The following LRRC4C variants were observed in gnomAD, a reference collection of about 807,000 sequenced individuals.
LRRC4C encodes the protein leucine rich repeat containing 4C.
Under a neutral mutation model 33.6 loss-of-function variants are expected in LRRC4C, and 5 were observed. The observed-to-expected ratio is 0.15, with a 90% CI of 0.08 to 0.31. LRRC4C has a LOEUF of 0.31. Among genes scored for constraint, LRRC4C ranks in the 10% least tolerant of loss-of-function variants. LRRC4C has a pLI of 1.00. For missense variants in LRRC4C, 560 were observed against 796.7 expected, an observed-to-expected ratio of 0.70 and a Z score of 3.58; for synonymous variants, 329 against 302.0, an observed-to-expected ratio of 1.09 and a Z score of -0.93.
chr11:41,176,670 T>C (rs909014846), intron 1 of LRRC4C, among the ~76,000 whole-genome samples: 4 of 152,216 alleles, frequency 2.6e-5, no homozygotes, highest in Non-Finnish European at 5.9e-5. Context: ...AGAATGGAGC[T>C]AGGAGAGGCT....
chr11:41,396,340 G>C (rs560025766), intron 1 of LRRC4C, among the ~76,000 whole-genome samples: 22 of 152,112 alleles, frequency 1.4e-4, no homozygotes, highest in Non-Finnish European at 2.5e-4. Context: ...AAAAAATTAA[G>C]ATAGGTATTG....
intron 3 of LRRC4C, among the ~76,000 whole-genome samples, chr11:40,331,920 C>T (rs951762385): frequency 8.5e-5 from 13 of 152,106 alleles, no homozygotes; most frequent in Admixed American, 6.5e-4. Flanking sequence ...ATAAATCCTG[C>T]GTACATGTTC....
At chr11:41,282,737 T>C (rs563809024) in intron 1 of LRRC4C, among the ~76,000 whole-genome samples, 2 of 152,180 alleles carry the variant, frequency 1.3e-5, no homozygotes, top group Non-Finnish European at 2.9e-5. Flanking sequence ...AGCAAATATA[T>C]GTGGCCTTTA....
intron 3 of LRRC4C, among the ~76,000 whole-genome samples, chr11:40,420,488 C>T (rs1950484472): frequency 6.6e-6 from 1 of 152,176 alleles, no homozygotes; most frequent in Non-Finnish European, 1.5e-5. Context: ...TCCCGTCTTG[C>T]TCTGAACTCT....
At chr11:40,651,667 G>A (rs1298153299) in intron 2 of LRRC4C, among the ~76,000 whole-genome samples, 1 of 152,136 alleles carries the variant, frequency 6.6e-6, no homozygotes, top group Non-Finnish European at 1.5e-5. Context: ...CTTATCAGAA[G>A]GTGATTCCAT....
chr11:41,234,359 CT>C (rs1565503309), intron 1 of LRRC4C, among the ~76,000 whole-genome samples: 1 of 151,812 alleles, frequency 6.6e-6, no homozygotes, highest in Non-Finnish European at 1.5e-5. Context: ...CTTATCATTT[CT>C]TTTTTGGTGA....
intron 1 of LRRC4C, among the ~76,000 whole-genome samples, chr11:40,987,197 G>A (rs887930190): frequency 1.3e-5 from 2 of 152,146 alleles, no homozygotes; most frequent in Admixed American, 6.5e-5. Flanking sequence ...AGCAGCTGTT[G>A]ACGAAAACCA....
intron 4 of LRRC4C, among the ~76,000 whole-genome samples, chr11:40,283,270 A>G (rs1943602883): frequency 3.3e-5 from 5 of 152,216 alleles, no homozygotes; most frequent in African/African-American, 9.6e-5. Flanking sequence ...CAAAAAGCCA[A>G]CTAGATTTCA....
At chr11:40,498,759 T>G (rs12577385) in intron 3 of LRRC4C, among the ~76,000 whole-genome samples, 14,194 of 152,284 alleles carry the variant, frequency 0.093, 805 homozygotes, top group Middle Eastern at 0.15. Context: ...CCCTCAGGAA[T>G]GTTTATAAGA....
intron 1 of LRRC4C, among the ~76,000 whole-genome samples, chr11:41,314,618 G>T (rs1950733469): frequency 6.6e-6 from 1 of 152,046 alleles, no homozygotes; most frequent in African/African-American, 2.4e-5. Context: ...TTGGACACAG[G>T]GCAGGGAACA....
At chr11:40,684,400 G>A (rs144556355) in intron 2 of LRRC4C, among the ~76,000 whole-genome samples, 1 of 152,010 alleles carries the variant, frequency 6.6e-6, no homozygotes, top group Non-Finnish European at 1.5e-5. Flanking sequence ...TTAGTGAACT[G>A]GAAGATAGAG....
At position 41,279,428 on chromosome 11, in the gene LRRC4C, A is replaced by ACACACC. The variant is rs58139193; in HGVS notation, c.-496+180002_-496+180003insGGTGTG. Among the ~76,000 whole-genome samples, 1,202 of 140,862 alleles carry ACACACC rather than the reference A, an allele frequency of 8.5e-3. 17 individuals carry two copies. Among genetic ancestry groups the ACACACC allele is most frequent in the Admixed American group, 0.029 (401 of 13,944 alleles). The allele number at this position is 140,862 out of a possible 152,430, so 92.4% of individuals were successfully genotyped here. ...CACACACACACACACACACACACAC[A>ACACACC]CCGTGGCAATCACTGCCTGCAATGG... On this transcript the variant is annotated intron_variant, in intron 1 of 6. Transcript: ENST00000528697.
intron 1 of LRRC4C, among the ~76,000 whole-genome samples, chr11:40,939,091 T>C (rs1452352939): frequency 2.0e-5 from 3 of 152,180 alleles, no homozygotes; most frequent in Non-Finnish European, 4.4e-5. Flanking sequence ...GATACATATG[T>C]CCATGTACAA....
chr11:40,507,438 A>T (rs888235881), intron 3 of LRRC4C, among the ~76,000 whole-genome samples: 1 of 152,122 alleles, frequency 6.6e-6, no homozygotes, highest in Non-Finnish European at 1.5e-5. Flanking sequence ...TTTTTTTAAC[A>T]ATTGGGATGA....
At chr11:40,122,972 CACACACACACACACAT>C (rs1475144160) in intron 6 of LRRC4C, among the ~76,000 whole-genome samples, 6 of 140,590 alleles carry the variant, frequency 4.3e-5, no homozygotes, top group Non-Finnish European at 7.6e-5. Flanking sequence ...CACACACACA[CACACACACACACACAT>C]ATATACTATT....
intron 1 of LRRC4C, among the ~76,000 whole-genome samples, chr11:41,055,938 A>T (rs1163936230): frequency 6.6e-6 from 1 of 152,174 alleles, no homozygotes; most frequent in East Asian, 1.9e-4. Context: ...ATTTTCCTAA[A>T]TATAAATTAT....
chr11:40,979,983 G>A (rs1437236117), intron 1 of LRRC4C, among the ~76,000 whole-genome samples: 7 of 152,096 alleles, frequency 4.6e-5, no homozygotes, highest in Non-Finnish European at 8.8e-5. Context: ...AAATTTCTGC[G>A]ACATTTAGGT....
rs1950172344 is a variant in LRRC4C, at chr11:40,780,539, T to C, written c.-406-132261A>G. ...GCTATTTAATATGAAAAGGAGAAGA[T>C]ACCAAGAAAGATAATAGAGCTACAT... is the stretch of plus-strand genomic sequence containing the variant. On this transcript the variant is annotated intron_variant, in intron 2 of 6. Transcript: ENST00000528697. Among the ~76,000 whole-genome samples the C allele has an allele frequency of 3.3e-5, 5 of 152,110 alleles. No homozygotes were observed. The South Asian group carries it at 1.0e-3, about 32-fold the overall frequency.
chr11:40,203,882 C>A (rs887560267), intron 5 of LRRC4C, among the ~76,000 whole-genome samples: 1 of 152,178 alleles, frequency 6.6e-6, no homozygotes, highest in African/African-American at 2.4e-5. Flanking sequence ...AGCTAAAGTG[C>A]AGACACAGGA....
Sources: gnomAD v4.1 joint callset for allele counts (sites outside exome capture counted in the v4.1 genomes callset) on GRCh38, gnomAD v4.1.1 for gene constraint, MANE v1.5 for transcripts, NCBI Gene and HGNC (gene_info 2026-07-23, HGNC 2026-07-21) for gene names.